The following C11orf98 variants were observed in gnomAD, a reference collection of about 807,000 sequenced individuals.
C11orf98 encodes the protein 28S rRNA/ribosome and sororin micro-cofactor.
Under a neutral mutation model 10.9 loss-of-function variants are expected in C11orf98, and 7 were observed. That is an observed-to-expected ratio of 0.64 (90% CI 0.37 to 1.21). The LOEUF is 1.21. Ranked by LOEUF, C11orf98 falls within the 50% of genes most tolerant of loss-of-function variation. The pLI, the probability that C11orf98 is intolerant of heterozygous loss-of-function variation, is 0.02. For synonymous variants in C11orf98, 70 were observed against 57.2 expected, an observed-to-expected ratio of 1.22 and a Z score of -1.01; for missense variants, 181 against 153.7, an observed-to-expected ratio of 1.18 and a Z score of -0.94.
Position 62,665,152 on chromosome 11 carries a change from T to TC in C11orf98, c.17dup (p.Ile8AspfsTer91), listed in dbSNP as rs1565125738. 2.1e-6 allele frequency: 2 copies of TC among 952,654 alleles called. No individual in the cohort carries two copies. The highest frequency in any genetic ancestry group is 1.6e-6 in the Non-Finnish European group (1 of 613,978). 59.0% of individuals were successfully genotyped at this position (952,654 alleles called of 1,614,324 possible). ...TCACCGTTCGGGGCCGGTTGATCTT[T>TC]CCCCCCGGAGCTCCCATAGTCGCGA... On this transcript the variant is annotated frameshift_variant, in exon 1 of 4. Transcript: ENST00000524958. LOFTEE classifies it high-confidence loss of function.
chr11:62,663,522 G>A (rs1017542182), intron 2 of C11orf98, among the ~76,000 whole-genome samples, 189 bp from the exon 3 acceptor site: 6 of 151,778 alleles, frequency 4.0e-5, no homozygotes, highest in African/African-American at 1.2e-4. Flanking sequence ...GTGAAACCCT[G>A]TCTCTACTAA....
chr11:62,665,012 C>G lies in C11orf98; in HGVS notation c.40-39G>C, dbSNP rs534734272. Reference sequence around the variant, plus strand: ...AGATGCGAATCAGATGGAGTGGGCTCGCCGCGACCCGGGGCCCCTCCACCA... The same window carrying G: ...AGATGCGAATCAGATGGAGTGGGCTGGCCGCGACCCGGGGCCCCTCCACCA... On this transcript the variant is annotated intron_variant, in intron 1 of 3. Transcript: ENST00000524958. 2.5e-6 allele frequency: 4 copies of G among 1,602,518 alleles called. No individual in the cohort carries two copies. The East Asian group carries it at 6.7e-5, about 27-fold the overall frequency.
intron 2 of C11orf98, among the ~76,000 whole-genome samples, chr11:62,664,644 T>C (rs990192888): frequency 6.6e-6 from 1 of 152,166 alleles, no homozygotes; most frequent in Non-Finnish European, 1.5e-5. Context: ...CTGAGATTCT[T>C]AACAGAATCC....
chr11:62,663,137 G>A lies in C11orf98; in HGVS notation c.285C>T (p.Ala95=), dbSNP rs1565124084. The change falls in exon 4 of 4, where the codon GCC becomes GCT. Residue 95 remains alanine, a synonymous_variant. Coordinates refer to ENST00000524958, the MANE Select transcript of C11orf98 (RefSeq NM_001286086.2). ...TTTTGAGCTGTGGTTCACTAGTCCT[G>A]GCTGGCTTTGAAGGGGCTTCCACTG... is the stretch of plus-strand genomic sequence containing the variant. ...AMEVEAPSKP[A]RTSEPQLKRQ... The A allele has an allele frequency of 1.2e-6, 2 of 1,614,082 alleles. No individual in the cohort carries two copies. The highest frequency in any genetic ancestry group is 2.2e-5 in the South Asian group (2 of 91,084).
In C11orf98 at chr11:62,664,931, G is replaced by A. The variant is rs1431823561; in HGVS notation, c.82C>T (p.Arg28Trp). ...KLFKRRRVLN[R>W]ERRLRHRVVG... ...ACCCGGTGCCTCAGACGCCGCTCCC[G>A]ATTCAACACCCGCCGGCGTTTGAAC... is the stretch of plus-strand genomic sequence containing the variant. Residue 28 changes from arginine to tryptophan, a missense_variant, in exon 2 of 4, where the codon CGG becomes TGG. Physicochemically the swap from Arg to Trp is moderately radical, Grantham distance 101. Coordinates refer to ENST00000524958, the MANE Select transcript of C11orf98 (RefSeq NM_001286086.2). The A allele has an allele frequency of 6.2e-7, 1 of 1,607,626 alleles. No individual in the cohort carries two copies. Among genetic ancestry groups the A allele is most frequent in the Non-Finnish European group, 8.5e-7 (1 of 1,177,422 alleles).
rs192448421 is a variant in C11orf98 at position 62,662,976 on chromosome 11, T to G, written c.*74A>C. On this transcript the variant is annotated 3_prime_UTR_variant, in exon 4 of 4. Coordinates refer to ENST00000524958, the MANE Select transcript of C11orf98 (RefSeq NM_001286086.2). Reference sequence around the variant, plus strand: ...CTGGAGAGTGAAAAGGGGCCTTGCTTTTGTCAAAGTCCTCTGAAACAACCA... The same window carrying G: ...CTGGAGAGTGAAAAGGGGCCTTGCTGTTGTCAAAGTCCTCTGAAACAACCA... 22 of 1,212,202 alleles carry G rather than the reference T, an allele frequency of 1.8e-5. No homozygotes were observed. In the African/African-American group the frequency reaches 3.2e-4, roughly 18 times the overall value. The allele number at this position is 1,212,202 out of a possible 1,614,324, so 75.1% of individuals were successfully genotyped here.
chr11:62,663,563 G>A (rs561324230), intron 2 of C11orf98, among the ~76,000 whole-genome samples: 244 of 152,004 alleles, frequency 1.6e-3, no homozygotes, highest in African/African-American at 5.4e-3. Flanking sequence ...GCGCAGTGGC[G>A]GGCGCCTGTA....
At position 62,662,979 on chromosome 11, in the gene C11orf98, G is replaced by T; in HGVS notation, c.*71C>A. On this transcript the variant is annotated 3_prime_UTR_variant, in exon 4 of 4. Transcript: ENST00000524958. ...GAGAGTGAAAAGGGGCCTTGCTTTTGTCAAAGTCCTCTGAAACAACCACTG... is the reference window on the plus strand; with the variant it reads ...GAGAGTGAAAAGGGGCCTTGCTTTTTTCAAAGTCCTCTGAAACAACCACTG... 1 of 1,243,670 alleles carries T rather than the reference G, an allele frequency of 8.0e-7. No homozygotes were observed. The highest frequency in any genetic ancestry group is 1.1e-6 in the Non-Finnish European group (1 of 881,886). The allele number at this position is 1,243,670 out of a possible 1,614,324, so 77.0% of individuals were successfully genotyped here.
chr11:62,664,872 C>T lies in C11orf98; in HGVS notation c.141G>A (p.Thr47=). The T allele has an allele frequency of 6.3e-7, 1 of 1,578,084 alleles. No homozygotes were observed. The highest frequency in any genetic ancestry group is 8.6e-7 in the Non-Finnish European group (1 of 1,161,742). Residue 47 remains threonine, a synonymous_variant, in exon 2 of 4, where the codon ACG becomes ACA. Coordinates refer to ENST00000524958, the MANE Select transcript of C11orf98 (RefSeq NM_001286086.2). ...ACGCCCGCTTCTTGAGGTGGTGCCG[C>T]GTGATCAGCCCTTGGTCTATCACAG... ...VGAVIDQGLI[T]RHHLKKRASS...
At position 62,664,895 on chromosome 11, in the gene C11orf98, C is replaced by G; in HGVS notation, c.118G>C (p.Val40Leu). 2 of 1,591,414 alleles carry G rather than the reference C, an allele frequency of 1.3e-6. No homozygotes were observed. The highest frequency in any genetic ancestry group is 2.3e-5 in the South Asian group (2 of 88,102). ...CGCGTGATCAGCCCTTGGTCTATCA[C>G]AGCCCCGACCACCCGGTGCCTCAGA... ...RRLRHRVVGA[V>L]IDQGLITRHH... The change falls in exon 2 of 4, where the codon GTG (valine) becomes CTG (leucine). Residue 40 changes from valine (V) to leucine (L), a missense_variant. By Grantham distance (32) the Val-to-Leu change is conservative. Coordinates refer to ENST00000524958, the MANE Select transcript of C11orf98 (RefSeq NM_001286086.2).
Position 62,663,303 on chromosome 11 carries a change from T to C in C11orf98, c.195A>G (p.Ser65=). The change falls in exon 3 of 4, where the codon TCA becomes TCG. Residue 65 remains serine (S), a synonymous_variant. Transcript: ENST00000524958. ...GGAGGAGTTTTCTGCGCTTCTTCCC[T>C]GACAGTGTAATGTTGGCACGTGCAC... ...ASSARANITL[S]GKKRRKLLQQ... The C allele has an allele frequency of 1.2e-6, 2 of 1,614,152 alleles. No homozygotes were observed. Among genetic ancestry groups the C allele is most frequent in the Non-Finnish European group, 1.7e-6 (2 of 1,179,998 alleles).
Position 62,662,935 on chromosome 11 carries a change from T to G in C11orf98, c.*115A>C. On this transcript the variant is annotated 3_prime_UTR_variant, in exon 4 of 4. Coordinates refer to ENST00000524958, the MANE Select transcript of C11orf98 (RefSeq NM_001286086.2). ...CCCTCTAGGGGAGGTCAGTAGGCCATTAGGTAGGAGGAAATCTGGAGAGTG... is the reference window on the plus strand; with the variant it reads ...CCCTCTAGGGGAGGTCAGTAGGCCAGTAGGTAGGAGGAAATCTGGAGAGTG... 2 of 778,326 alleles carry G rather than the reference T, an allele frequency of 2.6e-6. No homozygotes were observed. Among genetic ancestry groups the G allele is most frequent in the South Asian group, 1.8e-5 (1 of 54,588 alleles). 48.2% of individuals were successfully genotyped at this position (778,326 alleles called of 1,614,324 possible).
chr11:62,663,790 A>G (rs1197425578), intron 2 of C11orf98, among the ~76,000 whole-genome samples: 1 of 151,700 alleles, frequency 6.6e-6, no homozygotes, highest in African/African-American at 2.4e-5. Context: ...GAAAGGACAT[A>G]GATCGGGGGC....
upstream of C11orf98, chr11:62,665,216 C>A: frequency 1.3e-6 from 1 of 789,138 alleles, no homozygotes; most frequent in South Asian, 1.4e-5. Flanking sequence ...CGCTCAGCGC[C>A]GGATCCGCGG....
intron 1 of C11orf98, 40 bp from the exon 2 acceptor site, chr11:62,665,013 G>A (rs751030617): frequency 6.9e-6 from 11 of 1,602,460 alleles, no homozygotes; most frequent in Non-Finnish European, 9.3e-6. Context: ...GAGTGGGCTC[G>A]CCGCGACCCG....
chr11:62,662,895 C>T lies in C11orf98; in HGVS notation c.*155G>A, dbSNP rs547669457. The T allele has an allele frequency of 1.6e-6, 1 of 617,134 alleles. No individual in the cohort carries two copies. Among genetic ancestry groups the T allele is most frequent in the South Asian group, 2.1e-5 (1 of 48,500 alleles). The allele number at this position is 617,134 out of a possible 1,614,324, so 38.2% of individuals were successfully genotyped here. ...TCCAATCTTTCTTCTGTACCTTCTT[C>T]CCTCCCAAAGACATCCCTCTAGGGG... On this transcript the variant is annotated 3_prime_UTR_variant, in exon 4 of 4. Transcript: ENST00000524958.
At chr11:62,664,817 GA>G (rs1024086224) in intron 2 of C11orf98, 31 bp downstream of exon 2, 1 of 1,552,360 alleles carries the variant, frequency 6.4e-7, no homozygotes, top group African/African-American at 1.4e-5. Context: ...ACTCGGTGGG[GA>G]CGACCAACAG....
rs760141709 is a variant in C11orf98, at chr11:62,665,160, G to A, written c.10C>T (p.Pro4Ser). 2.5e-5 allele frequency: 23 copies of A among 912,862 alleles called. No individual in the cohort carries two copies. The highest frequency in any genetic ancestry group is 3.3e-5 in the Non-Finnish European group (19 of 577,436). 56.5% of individuals were successfully genotyped at this position (912,862 alleles called of 1,614,324 possible). A position where few individuals can be genotyped will look rare whatever the true frequency, so the allele number is the denominator to read the frequency against. Reference protein sequence around the residue: MGAPGGKINRPRTE... With the variant: MGASGGKINRPRTE... ...CGGGGCCGGTTGATCTTTCCCCCCG[G>A]AGCTCCCATAGTCGCGATTCCACTC... The change falls in exon 1 of 4, where the codon CCG (proline) becomes TCG (serine). Residue 4 changes from proline to serine, a missense_variant. Pro to Ser is a moderately conservative substitution (Grantham distance 74, BLOSUM62 -1). Coordinates refer to ENST00000524958, the MANE Select transcript of C11orf98 (RefSeq NM_001286086.2).
At position 62,663,002 on chromosome 11, in the gene C11orf98, C is replaced by T. The variant is rs1165239762; in HGVS notation, c.*48G>A. 1 of 1,421,458 alleles carries T rather than the reference C, an allele frequency of 7.0e-7. No individual in the cohort carries two copies. The allele number at this position is 1,421,458 out of a possible 1,614,324, so 88.1% of individuals were successfully genotyped here. A position where few individuals can be genotyped will look rare whatever the true frequency, so the allele number is the denominator to read the frequency against. Reference sequence around the variant, plus strand: ...TTGTCAAAGTCCTCTGAAACAACCACTGAGTCTGAAGGCTGGCTCCAGTTG... The same window carrying T: ...TTGTCAAAGTCCTCTGAAACAACCATTGAGTCTGAAGGCTGGCTCCAGTTG... On this transcript the variant is annotated 3_prime_UTR_variant, in exon 4 of 4. Coordinates refer to ENST00000524958, the MANE Select transcript of C11orf98 (RefSeq NM_001286086.2).
Sources: allele counts gnomAD v4.1 joint callset (sites outside exome capture counted in the v4.1 genomes callset), GRCh38; gene constraint gnomAD v4.1.1; transcripts MANE v1.5; gene names NCBI Gene and HGNC (gene_info 2026-07-23, HGNC 2026-07-21).